OLA1: variants seen among roughly 807,000 people sequenced by gnomAD.
OLA1 encodes the protein obg-like ATPase 1.
A neutral mutation model predicts 48.4 loss-of-function variants in OLA1; 14 were observed. The observed-to-expected ratio is 0.29, with a 90% CI of 0.19 to 0.45. The LOEUF (loss-of-function observed/expected upper bound fraction) is 0.45. Ranked by LOEUF, OLA1 falls within the 20% of genes least tolerant of loss-of-function variation. The pLI, the probability that OLA1 is intolerant of heterozygous loss-of-function variation, is 1.00. For missense variants in OLA1, 325 were observed against 467.1 expected (o/e 0.70, Z 2.80); for synonymous variants, 127 against 150.4 (o/e 0.84, Z 1.14).
chr2:174,160,200 A>G (rs1686978769), intron 4 of OLA1, among the ~76,000 whole-genome samples: 1 of 152,182 alleles, frequency 6.6e-6, no homozygotes, highest in Admixed American at 6.5e-5. Flanking sequence ...ACATATGCAC[A>G]TAGAAGTAAC....
At chr2:174,244,801 T>C (rs1035693769) in intron 2 of OLA1, among the ~76,000 whole-genome samples, 1 of 151,980 alleles carries the variant, frequency 6.6e-6, no homozygotes, top group Non-Finnish European at 1.5e-5. Flanking sequence ...ATTTTTGTTG[T>C]GTTTTTTTAA....
intron 7 of OLA1, among the ~76,000 whole-genome samples, chr2:174,095,703 T>G (rs1360830770): frequency 6.6e-6 from 1 of 152,136 alleles, no homozygotes; most frequent in African/African-American, 2.4e-5. Flanking sequence ...GTAAAAAGTT[T>G]ATGTAACAAA....
intron 4 of OLA1, among the ~76,000 whole-genome samples, chr2:174,186,130 A>G (rs1036849784): frequency 2.6e-5 from 4 of 152,182 alleles, no homozygotes; most frequent in African/African-American, 4.8e-5. Context: ...GTAAAAGAAC[A>G]TATCATGTTT....
At chr2:174,139,451 C>T (rs1686387412) in intron 5 of OLA1, among the ~76,000 whole-genome samples, 1 of 152,216 alleles carries the variant, frequency 6.6e-6, no homozygotes, top group Admixed American at 6.5e-5. Context: ...GTTCATGGTG[C>T]TTGTTACAGC....
At chr2:174,105,518 G>A (rs1685494503) in intron 7 of OLA1, among the ~76,000 whole-genome samples, 1 of 151,884 alleles carries the variant, frequency 6.6e-6, no homozygotes, top group Non-Finnish European at 1.5e-5. Flanking sequence ...ATTCTTCAAT[G>A]TTCTGTTTTC....
intron 4 of OLA1, among the ~76,000 whole-genome samples, chr2:174,144,893 G>T (rs1307478258): frequency 3.0e-5 from 4 of 134,428 alleles, no homozygotes; most frequent in Non-Finnish European, 6.1e-5. Flanking sequence ...GCTGCAGTGA[G>T]CTGTGATCAC....
chr2:174,135,063 G>A (rs1209974946), intron 5 of OLA1, among the ~76,000 whole-genome samples: 1 of 151,302 alleles, frequency 6.6e-6, no homozygotes, highest in Admixed American at 6.6e-5. Flanking sequence ...AGGAGGCTGA[G>A]GCAGGAGACT....
At chr2:174,099,261 T>C (rs1399440149) in intron 7 of OLA1, among the ~76,000 whole-genome samples, 1 of 151,992 alleles carries the variant, frequency 6.6e-6, no homozygotes, top group East Asian at 1.9e-4. Flanking sequence ...GTTCAAGCGA[T>C]TCCCCTGCCT....
At chr2:174,120,848 C>T (rs1685898666) in intron 7 of OLA1, among the ~76,000 whole-genome samples, 2 of 152,128 alleles carry the variant, frequency 1.3e-5, no homozygotes, top group Non-Finnish European at 2.9e-5. Context: ...CTCTCCTCTC[C>T]TCTTTCTTGA....
chr2:174,184,360 C>T (rs1430010534), intron 4 of OLA1, among the ~76,000 whole-genome samples: 3 of 152,160 alleles, frequency 2.0e-5, no homozygotes, highest in Non-Finnish European at 4.4e-5. Context: ...CTATAATATT[C>T]TTTCCAAAAA....
At chr2:174,164,384 T>TTCATA (rs1687112613) in intron 4 of OLA1, among the ~76,000 whole-genome samples, 1 of 152,008 alleles carries the variant, frequency 6.6e-6, no homozygotes, top group Non-Finnish European at 1.5e-5. Flanking sequence ...GATACCATTC[T>TTCATA]GTTTTATGTT....
intron 7 of OLA1, among the ~76,000 whole-genome samples, chr2:174,098,934 C>T (rs1385562555): frequency 6.6e-6 from 1 of 152,126 alleles, no homozygotes; most frequent in Non-Finnish European, 1.5e-5. Context: ...GGTCTAAGCA[C>T]TAATCACTTC....
At chr2:174,103,641 A>G (rs899019047) in intron 7 of OLA1, among the ~76,000 whole-genome samples, 2 of 152,202 alleles carry the variant, frequency 1.3e-5, no homozygotes, top group Non-Finnish European at 2.9e-5. Context: ...GATACATTCA[A>G]TGGATTTCAT....
At chr2:174,095,063 T>C (rs1056400498) in intron 7 of OLA1, among the ~76,000 whole-genome samples, 6 of 152,240 alleles carry the variant, frequency 3.9e-5, no homozygotes, top group African/African-American at 1.4e-4. Context: ...TGATGGATAT[T>C]TGGGTTGCTT....
intron 5 of OLA1, among the ~76,000 whole-genome samples, chr2:174,134,137 C>T (rs1462162845): frequency 2.0e-5 from 3 of 152,116 alleles, no homozygotes; most frequent in Non-Finnish European, 2.9e-5. Context: ...ATGAATATTG[C>T]CACTATGAAC....
chr2:174,185,650 G>A (rs981216947), intron 4 of OLA1, among the ~76,000 whole-genome samples: 12 of 151,994 alleles, frequency 7.9e-5, no homozygotes, highest in Non-Finnish European at 1.0e-4. Flanking sequence ...TTTTCAGGCC[G>A]GGCACGGTGG....
intron 4 of OLA1, among the ~76,000 whole-genome samples, chr2:174,147,381 C>T (rs1313409460): frequency 2.6e-5 from 4 of 151,976 alleles, no homozygotes; most frequent in African/African-American, 4.8e-5. Flanking sequence ...GAGCCGAGAT[C>T]GTGCCACTGC....
At chr2:174,168,205 A>C (rs1687212183) in intron 4 of OLA1, among the ~76,000 whole-genome samples, 1 of 152,232 alleles carries the variant, frequency 6.6e-6, no homozygotes, top group Non-Finnish European at 1.5e-5. Context: ...GGAAGAATGC[A>C]AAGGGAAGAG....
chr2:174,204,691 A>T (rs1356766008), intron 4 of OLA1, among the ~76,000 whole-genome samples: 1 of 152,076 alleles, frequency 6.6e-6, no homozygotes, highest in East Asian at 1.9e-4. Context: ...GCTATTATTA[A>T]TAATAAAGCT....
Sources: allele counts gnomAD v4.1 joint callset (sites outside exome capture counted in the v4.1 genomes callset), GRCh38; gene constraint gnomAD v4.1.1; transcripts MANE v1.5; gene names NCBI Gene and HGNC (gene_info 2026-07-23, HGNC 2026-07-21).